Variants in ATL2 observed in about 807,000 individuals in gnomAD.
The protein encoded by ATL2 is atlastin-2.
In ATL2, 31 loss-of-function variants were observed where a neutral mutation model predicts 73.9. That is an observed-to-expected ratio of 0.42 (90% CI 0.32 to 0.57). The LOEUF (loss-of-function observed/expected upper bound fraction) is 0.57. Ranked by LOEUF, ATL2 falls within the 20% of genes least tolerant of loss-of-function variation. The pLI, the probability that ATL2 is intolerant of heterozygous loss-of-function variation, is 0.14. For missense variants in ATL2, 738 were observed against 702.6 expected (o/e 1.05, Z -0.57); for synonymous variants, 291 against 237.5 (o/e 1.23, Z -2.07).
intron 1 of ATL2, among the ~76,000 whole-genome samples, chr2:38,364,789 A>G (rs1671211378): frequency 6.6e-6 from 1 of 152,234 alleles, no homozygotes; most frequent in African/African-American, 2.4e-5. Context: ...TTGCGCCTGT[A>G]ATCCCAGCAC....
intron 1 of ATL2, among the ~76,000 whole-genome samples, chr2:38,369,619 C>T (rs1322322172): frequency 6.6e-6 from 1 of 151,366 alleles, no homozygotes; most frequent in East Asian, 2.0e-4. Flanking sequence ...GGCATGGTGG[C>T]ACACACCTGT....
chr2:38,323,690 AG>A (rs966238139), intron 2 of ATL2, among the ~76,000 whole-genome samples: 26 of 152,316 alleles, frequency 1.7e-4, no homozygotes, highest in African/African-American at 5.3e-4. Context: ...CCATTTATTT[AG>A]TTAGTTAGAC....
At chr2:38,334,913 TAA>T (rs1421084227) in intron 2 of ATL2, among the ~76,000 whole-genome samples, 1 of 139,534 alleles carries the variant, frequency 7.2e-6, no homozygotes, top group East Asian at 2.0e-4. Context: ...TTATAATATA[TAA>T]ATATATTTAT....
intron 1 of ATL2, chr2:38,376,723 C>G (rs1671991091): frequency 6.6e-6 from 1 of 152,304 alleles, no homozygotes. Flanking sequence ...GAACGCCCAC[C>G]AGCTAACGGG....
Position 38,343,803 on chromosome 2 carries a change from T to C in ATL2, c.119-291A>G, listed in dbSNP as rs1421106255. On this transcript the variant is annotated intron_variant, in intron 1 of 12. Coordinates refer to ENST00000378954, the MANE Select transcript of ATL2 (RefSeq NM_001135673.4). ...GACCCAGTGGGAGGTAACTGAATCATGGGGGAGGCTCTCTCCTGTGCTGTT... is the reference window on the plus strand; with the variant it reads ...GACCCAGTGGGAGGTAACTGAATCACGGGGGAGGCTCTCTCCTGTGCTGTT... Among the ~76,000 whole-genome samples, 102 of 152,098 alleles carry C rather than the reference T, an allele frequency of 6.7e-4. 1 individual carries two copies. The highest frequency in any genetic ancestry group is 6.4e-3 in the Admixed American group (98 of 15,262).
At chr2:38,362,623 C>T (rs1671075546) in intron 1 of ATL2, among the ~76,000 whole-genome samples, 1 of 152,228 alleles carries the variant, frequency 6.6e-6, no homozygotes, top group African/African-American at 2.4e-5. Flanking sequence ...AGGTCTAGAA[C>T]TGGAGGTGCA....
chr2:38,298,251 C>G lies in ATL2; in HGVS notation c.1525G>C (p.Gly509Arg), dbSNP rs376064937. 4.3e-6 allele frequency: 7 copies of G among 1,613,974 alleles called. No individual in the cohort carries two copies. The highest frequency in any genetic ancestry group is 5.9e-6 in the Non-Finnish European group (7 of 1,179,978). ...GTACAAAGAAATATCAGTGCTAACC[C>G]CATGACAAGGTTACACAAGACAGCT... is the stretch of plus-strand genomic sequence containing the variant. ...SIAVLCNLVM[G>R]LALIFLCTWA... The change falls in exon 12 of 13, where the codon GGG becomes CGG. Residue 509 changes from glycine to arginine, a missense_variant. Coordinates refer to ENST00000378954, the MANE Select transcript of ATL2 (RefSeq NM_001135673.4).
At chr2:38,312,207 T>G (rs1315270006) in intron 7 of ATL2, among the ~76,000 whole-genome samples, 2 of 152,198 alleles carry the variant, frequency 1.3e-5, no homozygotes, top group Non-Finnish European at 2.9e-5. Context: ...TTTCCCAAAT[T>G]GATATGGTTT....
intron 2 of ATL2, among the ~76,000 whole-genome samples, chr2:38,338,180 C>T (rs1224958135): frequency 6.6e-5 from 10 of 152,226 alleles, no homozygotes; most frequent in African/African-American, 2.4e-4. Context: ...CTGCTGGAGG[C>T]CATTAGCCTA....
chr2:38,310,597 G>A, intron 7 of ATL2, 150 bp from the exon 8 acceptor site: 3 of 489,988 alleles, frequency 6.1e-6, no homozygotes, highest in Non-Finnish European at 1.0e-5. Context: ...AAATTATGAA[G>A]GCCCATTTCT....
At chr2:38,331,841 T>C (rs960393074) in intron 2 of ATL2, among the ~76,000 whole-genome samples, 1 of 151,728 alleles carries the variant, frequency 6.6e-6, no homozygotes, top group African/African-American at 2.4e-5. Flanking sequence ...GACATATACA[T>C]ATATAAATAT....
chr2:38,318,095 T>C (rs923088011), intron 4 of ATL2, among the ~76,000 whole-genome samples: 2 of 152,088 alleles, frequency 1.3e-5, no homozygotes, highest in Non-Finnish European at 2.9e-5. Flanking sequence ...AGCTAGAGTG[T>C]GCATGATCAC....
intron 1 of ATL2, among the ~76,000 whole-genome samples, chr2:38,353,352 C>A (rs1305851264): frequency 6.6e-6 from 1 of 152,016 alleles, no homozygotes; most frequent in Non-Finnish European, 1.5e-5. Context: ...CTGTAGGTAA[C>A]AGAAGAAAGT....
intron 2 of ATL2, among the ~76,000 whole-genome samples, chr2:38,325,698 G>GCACACA (rs1558412109): frequency 7.3e-4 from 3 of 4,096 alleles, no homozygotes; most frequent in Non-Finnish European, 1.4e-3. Flanking sequence ...ACACACACCA[G>GCACACA]TACACACACA....
chr2:38,372,957 T>A (rs1459717816), intron 1 of ATL2, among the ~76,000 whole-genome samples: 3 of 152,214 alleles, frequency 2.0e-5, no homozygotes. Context: ...ATTGCAAATA[T>A]ACACATTATA....
chr2:38,305,574 T>C (rs1215804195), intron 9 of ATL2, among the ~76,000 whole-genome samples: 1 of 151,672 alleles, frequency 6.6e-6, no homozygotes, highest in African/African-American at 2.4e-5. Context: ...AAAATTGAAA[T>C]TATATCAAGT....
At chr2:38,343,619 C>G (rs915681705) in intron 1 of ATL2, 107 bp from the exon 2 acceptor site, 2 of 938,340 alleles carry the variant, frequency 2.1e-6, no homozygotes, top group Admixed American at 4.9e-5. Flanking sequence ...GCCCCCTCCC[C>G]CCATTATAGA....
chr2:38,352,930 T>A lies in ATL2; in HGVS notation c.119-9418A>T, dbSNP rs142963391. On this transcript the variant is annotated intron_variant, in intron 1 of 12. Coordinates refer to ENST00000378954, the MANE Select transcript of ATL2 (RefSeq NM_001135673.4). ...TTTCCACAGACCCACACTAACGAAG[T>A]ATGAAGCAAAGCCAAGGTCAAGATC... Among the ~76,000 whole-genome samples, 445 of 152,306 alleles carry A rather than the reference T, an allele frequency of 2.9e-3. 3 individuals carry two copies. The highest frequency in any genetic ancestry group is 9.9e-3 in the African/African-American group (411 of 41,578).
At chr2:38,303,192 G>A (rs1209456607) in intron 9 of ATL2, among the ~76,000 whole-genome samples, 2 of 152,086 alleles carry the variant, frequency 1.3e-5, no homozygotes, top group African/African-American at 4.8e-5. Flanking sequence ...ACTGAAGAAT[G>A]CATCCAAACC....
Sources: gnomAD v4.1 joint callset for allele counts (sites outside exome capture counted in the v4.1 genomes callset) on GRCh38, gnomAD v4.1.1 for gene constraint, MANE v1.5 for transcripts, NCBI Gene and HGNC (gene_info 2026-07-23, HGNC 2026-07-21) for gene names.